Variants in OSBPL10 observed in about 807,000 individuals in gnomAD.
The protein encoded by OSBPL10 is oxysterol-binding protein-related protein 10.
A neutral mutation model predicts 81.7 loss-of-function variants in OSBPL10; 49 were observed. The observed-to-expected ratio is 0.60, with a 90% CI of 0.48 to 0.76. OSBPL10 has a LOEUF of 0.76. Ranked by LOEUF, OSBPL10 falls within the 30% of genes least tolerant of loss-of-function variation. OSBPL10 has a pLI of 0.00. For missense variants in OSBPL10, 923 were observed against 987.8 expected (o/e 0.93, Z 0.88); for synonymous variants, 419 against 383.6 (o/e 1.09, Z -1.08).
Position 31,761,813 on chromosome 3 carries a change from T to TAAAAAAAAAAAAAAAAAAAAAAAAA in OSBPL10, c.730-13694_730-13693insTTTTTTTTTTTTTTTTTTTTTTTTT, listed in dbSNP as rs34579457. Among the ~76,000 whole-genome samples, 100 of 107,494 alleles carry TAAAAAAAAAAAAAAAAAAAAAAAAA rather than the reference T, an allele frequency of 9.3e-4. 2 individuals carry two copies. Among genetic ancestry groups the TAAAAAAAAAAAAAAAAAAAAAAAAA allele is most frequent in the Non-Finnish European group, 1.2e-3 (72 of 59,222 alleles). The allele number at this position is 107,494 out of a possible 152,430, so 70.5% of individuals were successfully genotyped here. A position where few individuals can be genotyped will look rare whatever the true frequency, so the allele number is the denominator to read the frequency against. ...CTGGGCAACAGAGCAAGACTGTCTC[T>TAAAAAAAAAAAAAAAAAAAAAAAAA]AAAAAAAAAAAAAAAAAACCCTAAA... On this transcript the variant is annotated intron_variant, in intron 4 of 11. Coordinates refer to ENST00000396556, the MANE Select transcript of OSBPL10 (RefSeq NM_017784.5).
chr3:31,763,187 C>A (rs1374102214), intron 4 of OSBPL10, among the ~76,000 whole-genome samples: 1 of 152,184 alleles, frequency 6.6e-6, no homozygotes. Context: ...CAAGTGTTTA[C>A]ATTTCTGTCA....
intron 4 of OSBPL10, among the ~76,000 whole-genome samples, chr3:31,772,203 A>G (rs566966994): frequency 2.0e-5 from 3 of 152,358 alleles, no homozygotes; most frequent in African/African-American, 7.2e-5. Context: ...TTTATCAACC[A>G]AAATGCCATT....
chr3:31,949,984 A>T (rs1441604739), intron 1 of OSBPL10, among the ~76,000 whole-genome samples: 1 of 152,066 alleles, frequency 6.6e-6, no homozygotes, highest in Non-Finnish European at 1.5e-5. Context: ...AGTTGGCAAA[A>T]ATTTTTTAAA....
At chr3:31,778,900 G>T (rs1054252420) in intron 4 of OSBPL10, among the ~76,000 whole-genome samples, 5 of 152,140 alleles carry the variant, frequency 3.3e-5, no homozygotes, top group African/African-American at 9.7e-5. Context: ...AGAAGGGACT[G>T]GGATCCTATC....
intron 9 of OSBPL10, among the ~76,000 whole-genome samples, chr3:31,669,229 G>A (rs578098864): frequency 5.3e-5 from 8 of 151,798 alleles, no homozygotes; most frequent in African/African-American, 1.7e-4. Context: ...CACAAATCAC[G>A]ACTAAAGAAC....
chr3:32,067,210 C>A (rs1699787049), intron 1 of OSBPL10, among the ~76,000 whole-genome samples: 1 of 151,924 alleles, frequency 6.6e-6, no homozygotes, highest in African/African-American at 2.4e-5. Context: ...CCATTTAGAT[C>A]TTTAATTTAA....
rs145921625 is a variant in OSBPL10 at position 31,676,728 on chromosome 3, C to G, written c.1727-5745G>C. Among the ~76,000 whole-genome samples the G allele has an allele frequency of 4.3e-4, 66 of 152,334 alleles. No homozygotes were observed. The East Asian group carries it at 0.011, about 26-fold the overall frequency. On this transcript the variant is annotated intron_variant, in intron 8 of 11. Coordinates refer to ENST00000396556, the MANE Select transcript of OSBPL10 (RefSeq NM_017784.5). ...TTTCCCCACAGACTCAATTAAGAGC[C>G]TGCACCATTTACCAGGCATTGATTC...
chr3:31,975,797 CA>C (rs1436301784), intron 1 of OSBPL10, among the ~76,000 whole-genome samples: 1 of 152,170 alleles, frequency 6.6e-6, no homozygotes, highest in Non-Finnish European at 1.5e-5. Context: ...GACATTTATT[CA>C]TTTTTTTATC....
intron 1 of OSBPL10, among the ~76,000 whole-genome samples, chr3:31,938,053 C>T (rs999742887): frequency 6.6e-6 from 1 of 152,194 alleles, no homozygotes; most frequent in Admixed American, 6.5e-5. Context: ...ATGGCTCCAA[C>T]TCTGACAGTA....
Position 31,879,715 on chromosome 3 carries a change from C to T in OSBPL10, c.397G>A (p.Asp133Asn), listed in dbSNP as rs1255623403. 6.8e-6 allele frequency: 11 copies of T among 1,614,066 alleles called. No individual in the cohort carries two copies. Among genetic ancestry groups the T allele is most frequent in the Admixed American group, 1.7e-5 (1 of 59,998 alleles). ...ACCACCAGCATGTGGGGAGCTTCAT[C>T]GCTCAGGGACACTATGGCTCCAGAT... ...SLSGAIVSLS[D>N]EAPHMLVVYS... Residue 133 changes from aspartate to asparagine, a missense_variant, in exon 2 of 12, where the codon GAT (aspartate) becomes AAT (asparagine). Around this residue, in one of 3 missense-constraint regions of OSBPL10, gnomAD observed 514 missense variants for 508.0 expected, o/e 1.01. Coordinates refer to ENST00000396556, the MANE Select transcript of OSBPL10 (RefSeq NM_017784.5).
At chr3:31,989,014 T>C in intron 2 of OSBPL10, 1 of 1,589,966 alleles carries the variant, frequency 6.3e-7, no homozygotes, top group Admixed American at 1.8e-5. Flanking sequence ...AGATAACTAA[T>C]ACAGAGCAGG....
At chr3:31,912,255 G>A (rs570048004) in intron 1 of OSBPL10, among the ~76,000 whole-genome samples, 8 of 152,116 alleles carry the variant, frequency 5.3e-5, no homozygotes, top group Middle Eastern at 6.8e-3. Context: ...TTAGCTGGGC[G>A]TGGTGGTGGA....
intron 7 of OSBPL10, among the ~76,000 whole-genome samples, chr3:31,699,109 A>C (rs1559421799): frequency 6.6e-6 from 1 of 152,198 alleles, no homozygotes; most frequent in Non-Finnish European, 1.5e-5. Context: ...CTAGGTAAAA[A>C]TGGTCCTACA....
chr3:32,006,067 CCCAAG>C (rs1699202781), intron 2 of OSBPL10, among the ~76,000 whole-genome samples: 1 of 152,118 alleles, frequency 6.6e-6, no homozygotes, highest in East Asian at 1.9e-4. Context: ...ACCTCAGCCT[CCCAAG>C]TAGCTGCGAT....
chr3:31,846,936 CTTCTG>C (rs1700649239), intron 3 of OSBPL10, among the ~76,000 whole-genome samples: 1 of 152,144 alleles, frequency 6.6e-6, no homozygotes, highest in African/African-American at 2.4e-5. Context: ...AAGATCCAGC[CTTCTG>C]TTGTTTGTAC....
chr3:32,060,143 A>G (rs1699744141), intron 1 of OSBPL10, among the ~76,000 whole-genome samples: 2 of 152,182 alleles, frequency 1.3e-5, no homozygotes, highest in South Asian at 4.1e-4. Flanking sequence ...TCTGACAAAA[A>G]AACTACAAAA....
chr3:31,778,125 TGGGGAAATTTATAGCCTG>T (rs2125763015), intron 4 of OSBPL10, among the ~76,000 whole-genome samples: 1 of 152,294 alleles, frequency 6.6e-6, no homozygotes, highest in Non-Finnish European at 1.5e-5. Context: ...GCTTTCTCAG[TGGGGAAATTTATAGCCTG>T]GGGCTAGGTC....
chr3:31,751,965 TCTTCATCAGA>T (rs1697736116), intron 4 of OSBPL10, among the ~76,000 whole-genome samples: 1 of 152,218 alleles, frequency 6.6e-6, no homozygotes, highest in South Asian at 2.1e-4. Context: ...TGATGAAGAC[TCTTCATCAGA>T]CTTCCGAAGA....
intron 8 of OSBPL10, among the ~76,000 whole-genome samples, chr3:31,677,490 C>T (rs973487363): frequency 1.3e-5 from 2 of 152,184 alleles, no homozygotes; most frequent in African/African-American, 4.8e-5. Context: ...CAGTCTCTCT[C>T]CAGAATCTTC....
Sources: allele counts gnomAD v4.1 joint callset (sites outside exome capture counted in the v4.1 genomes callset), GRCh38; gene constraint gnomAD v4.1.1; regional missense constraint gnomAD v4.1.1; transcripts MANE v1.5; gene names NCBI Gene and HGNC (gene_info 2026-07-23, HGNC 2026-07-21).